Variants in TENM1 observed in about 807,000 individuals in gnomAD.
TENM1 encodes the protein teneurin transmembrane protein 1, also known as teneurin-1.
Under a neutral mutation model 174.8 loss-of-function variants are expected in TENM1, and 35 were observed. The ratio of observed to expected loss-of-function variants is 0.20; its 90% CI spans 0.15 to 0.27. The LOEUF (loss-of-function observed/expected upper bound fraction) is 0.27. Ranked by LOEUF, TENM1 falls within the 10% of genes least tolerant of loss-of-function variation. The pLI is 1.00. For missense variants in TENM1, 1,633 were observed against 2,130.1 expected (o/e 0.77, Z 4.59); for synonymous variants, 781 against 798.7 (o/e 0.98, Z 0.37).
intron 3 of TENM1, among the ~76,000 whole-genome samples, chrX:124,814,199 A>G (rs982859222): frequency 9.0e-6 from 1 of 111,017 alleles, no homozygotes; most frequent in Non-Finnish European, 1.9e-5. Flanking sequence ...ACTATACCCC[A>G]GTTTCATCTG....
chrX:124,814,696 TTAATTTA>T (rs1171036760), intron 3 of TENM1, among the ~76,000 whole-genome samples: 1 of 111,484 alleles, frequency 9.0e-6, no homozygotes, highest in Non-Finnish European at 1.9e-5. Flanking sequence ...TCTCCCTGTT[TTAATTTA>T]TATTTCCACT....
chrX:124,847,216 A>G (rs1001361578), intron 3 of TENM1, among the ~76,000 whole-genome samples: 1 of 111,346 alleles, frequency 9.0e-6, no homozygotes, highest in Non-Finnish European at 1.9e-5. Context: ...TCCTGAATAT[A>G]TGGGCTATTT....
exon 32 of TENM1, chrX:124,380,251 G>C (rs986319130): frequency 4.0e-6 from 1 of 247,378 alleles, no homozygotes; most frequent in Non-Finnish European, 7.1e-6. Context: ...TGCATGGCTC[G>C]GCAAATTGAA....
At chrX:124,815,851 T>C (rs1489060154) in intron 3 of TENM1, among the ~76,000 whole-genome samples, 1 of 111,653 alleles carries the variant, frequency 9.0e-6, no homozygotes, top group African/African-American at 3.2e-5. Flanking sequence ...AAGACTTCTA[T>C]GCAACAAAAT....
chrX:124,778,098 C>T (rs1166874813), intron 3 of TENM1, among the ~76,000 whole-genome samples: 7 of 113,172 alleles, frequency 6.2e-5, no homozygotes, highest in Non-Finnish European at 1.3e-4. Flanking sequence ...GAGTTCACTA[C>T]CAGGATATTT....
chrX:124,519,166 T>G (rs1461503120), intron 18 of TENM1, among the ~76,000 whole-genome samples: 2 of 111,617 alleles, frequency 1.8e-5, no homozygotes, highest in Non-Finnish European at 3.8e-5. Context: ...ATGCAGACCT[T>G]CTAGAAATGC....
intron 22 of TENM1, among the ~76,000 whole-genome samples, chrX:124,470,117 C>T (rs1166636318): frequency 9.0e-6 from 1 of 111,483 alleles, no homozygotes; most frequent in Admixed American, 9.6e-5. Context: ...TAAAAATTAA[C>T]CCTATGTATA....
intron 3 of TENM1, among the ~76,000 whole-genome samples, chrX:124,797,806 C>G (rs752060742): frequency 1.3e-4 from 14 of 110,150 alleles, no homozygotes; most frequent in Admixed American, 1.1e-3. Context: ...GGTTTTAAGC[C>G]AAGCATGCAT....
At chrX:125,183,572 A>G in the TENM1 span, among the ~76,000 whole-genome samples, 1 of 111,873 alleles carries the variant, frequency 8.9e-6, no homozygotes, top group African/African-American at 3.2e-5. Context: ...TCATGCAAGA[A>G]GGTGAAAACA....
At chrX:124,776,292 G>A (rs1190718057) in intron 3 of TENM1, among the ~76,000 whole-genome samples, 1 of 111,714 alleles carries the variant, frequency 9.0e-6, no homozygotes, top group Non-Finnish European at 1.9e-5. Flanking sequence ...AGAAAAAATG[G>A]TAATGTAAGT....
chrX:124,933,978 C>T (rs1181773372), intron 1 of TENM1, among the ~76,000 whole-genome samples: 1 of 111,726 alleles, frequency 9.0e-6, no homozygotes, highest in Non-Finnish European at 1.9e-5. Context: ...CTTTGTAATA[C>T]ACACATTATA....
chrX:124,440,093 A>G (rs2060887281), intron 23 of TENM1, among the ~76,000 whole-genome samples: 1 of 111,875 alleles, frequency 8.9e-6, no homozygotes, highest in African/African-American at 3.2e-5. Flanking sequence ...TGCATCCTCT[A>G]TTAAAGGATT....
intron 11 of TENM1, among the ~76,000 whole-genome samples, chrX:124,632,984 G>T (rs755416633): frequency 1.8e-5 from 2 of 111,895 alleles, no homozygotes; most frequent in East Asian, 5.6e-4. Context: ...ATCCTCCCCT[G>T]TCAGAGAATT....
the TENM1 span, among the ~76,000 whole-genome samples, chrX:124,992,007 C>A: frequency 9.0e-6 from 1 of 111,082 alleles, no homozygotes; most frequent in East Asian, 2.9e-4. Flanking sequence ...GGGTAACACA[C>A]TCACAAAAGT....
At chrX:124,524,412 G>A (rs890305580) in intron 16 of TENM1, among the ~76,000 whole-genome samples, 10 of 112,021 alleles carry the variant, frequency 8.9e-5, no homozygotes, top group South Asian at 3.7e-4. Flanking sequence ...CACAAACATC[G>A]TGTCAGAAAG....
chrX:124,617,542 G>A (rs1319594769), intron 11 of TENM1, among the ~76,000 whole-genome samples: 1 of 111,623 alleles, frequency 9.0e-6, no homozygotes, highest in Non-Finnish European at 1.9e-5. Flanking sequence ...CCTCCGCCTT[G>A]GAGGTTGCCT....
intron 11 of TENM1, among the ~76,000 whole-genome samples, chrX:124,584,684 A>C (rs1216436327): frequency 1.8e-5 from 2 of 111,086 alleles, no homozygotes; most frequent in African/African-American, 6.6e-5. Context: ...CACACATAAC[A>C]ATATTAACCT....
At chrX:125,175,772 A>AG in the TENM1 span, among the ~76,000 whole-genome samples, 1 of 111,117 alleles carries the variant, frequency 9.0e-6, no homozygotes, top group East Asian at 2.8e-4. Flanking sequence ...AAGGGGTAGA[A>AG]GAGGGAAAAA....
chrX:124,764,793 G>T (rs2054503420), intron 3 of TENM1, among the ~76,000 whole-genome samples: 1 of 109,679 alleles, frequency 9.1e-6, no homozygotes, highest in African/African-American at 3.3e-5. Context: ...TTTTTGAGGG[G>T]TTAAAAAGGT....
Sources: gnomAD v4.1 joint callset for allele counts (sites outside exome capture counted in the v4.1 genomes callset) on GRCh38, gnomAD v4.1.1 for gene constraint, MANE v1.5 for transcripts, NCBI Gene and HGNC (gene_info 2026-07-23, HGNC 2026-07-21) for gene names.